The following CCDC120 variants were observed in gnomAD, a reference collection of about 807,000 sequenced individuals.
CCDC120 encodes the protein coiled-coil domain-containing protein 120.
A neutral mutation model predicts 37.6 loss-of-function variants in CCDC120; 16 were observed. The observed-to-expected ratio is 0.43, with a 90% CI of 0.29 to 0.65. The LOEUF is 0.65. CCDC120 is among the 30% of genes least tolerant of loss of function. The pLI, the probability that CCDC120 is intolerant of heterozygous loss-of-function variation, is 0.18. For missense variants in CCDC120, 650 were observed against 657.4 expected, an observed-to-expected ratio of 0.99 and a Z score of 0.12; for synonymous variants, 309 against 275.4, an observed-to-expected ratio of 1.12 and a Z score of -1.21.
At position 49,068,590 on chromosome X, in the gene CCDC120, A is replaced by T. The variant is rs1258765284; in HGVS notation, c.2023A>T (p.Ser675Cys). 8.6e-7 allele frequency: 1 copy of T among 1,158,111 alleles called. No homozygotes were observed. The highest frequency in any genetic ancestry group is 2.6e-5 in the Admixed American group (1 of 37,737). ...LYPPELSARL[S>C]DLTLEGEQSS... ...TCCCCCGGAGCTGAGCGCTCGTTTA[A>T]GTGACCTGACGCTAGAGGGGGAGCA... The change falls in exon 11 of 11, where the codon AGT (serine) becomes TGT (cysteine). Residue 675 changes from serine to cysteine, a missense_variant. Ser to Cys is a moderately radical substitution (Grantham distance 112). Transcript: ENST00000603986.
intron 7 of CCDC120, 144 bp from the exon 8 acceptor site, chrX:49,065,310 C>A: frequency 2.7e-6 from 2 of 728,699 alleles, no homozygotes; most frequent in Non-Finnish European, 4.0e-6. Context: ...AGCCCCAGAA[C>A]CTACTTGTCA....
In CCDC120 at chrX:49,068,633, C is replaced by A; in HGVS notation, c.2066C>A (p.Thr689Asn). 8.7e-7 allele frequency: 1 copy of A among 1,154,064 alleles called. No individual in the cohort carries two copies. Among genetic ancestry groups the A allele is most frequent in the Non-Finnish European group, 1.2e-6 (1 of 866,911 alleles). ...LEGEQSSSSD[T>N]QTPGTLV ...GGGGAGCAGTCCTCCAGTTCTGACA[C>A]CCAGACCCCGGGGACACTGGTCTGA... Residue 689 changes from threonine (T) to asparagine (N), a missense_variant, in exon 11 of 11, where the codon ACC (threonine) becomes AAC (asparagine). This residue lies in a region of CCDC120 where 576 missense variants were observed against 565.3 expected (regional missense o/e 1.02). Coordinates refer to ENST00000603986, the MANE Select transcript of CCDC120 (RefSeq NM_001163321.4).
chrX:49,064,080 G>T, intron 5 of CCDC120, 79 bp downstream of exon 5: 1 of 1,092,653 alleles, frequency 9.2e-7, no homozygotes, highest in East Asian at 3.2e-5. Flanking sequence ...AAGGTGTGGG[G>T]AGGGGGCTTG....
In CCDC120 at chrX:49,068,811, G is replaced by C. The variant is rs899949711; in HGVS notation, c.*153G>C. ...AGGCCCCTGGCTCCCCGTAGGCCCAGGAAGGTGTCTGACACCCTGCTTCTT... is the reference window on the plus strand; with the variant it reads ...AGGCCCCTGGCTCCCCGTAGGCCCACGAAGGTGTCTGACACCCTGCTTCTT... On this transcript the variant is annotated 3_prime_UTR_variant, in exon 11 of 11. Transcript: ENST00000603986. 2 of 491,906 alleles carry C rather than the reference G, an allele frequency of 4.1e-6. No homozygotes were observed. Among genetic ancestry groups the C allele is most frequent in the South Asian group, 2.0e-4 (2 of 10,183 alleles). 40.5% of individuals were successfully genotyped at this position (491,906 alleles called of 1,213,427 possible). A position where few individuals can be genotyped will look rare whatever the true frequency, so the allele number is the denominator to read the frequency against.
Position 49,068,096 on chromosome X carries a change from G to T in CCDC120, c.1976+6G>T. On this transcript the variant is annotated splice_donor_region_variant and intron_variant, in intron 10 of 10. Transcript: ENST00000603986. ...GCGCCCCCTGTCTCTGGCAGGTATG[G>T]GGGGTGCTTTTACTGATGGGTAGGG... 8.6e-7 allele frequency: 1 copy of T among 1,163,517 alleles called. No individual in the cohort carries two copies. The highest frequency in any genetic ancestry group is 1.1e-6 in the Non-Finnish European group (1 of 871,288).
At position 49,067,209 on chromosome X, in the gene CCDC120, C is replaced by T. The variant is rs1364086167; in HGVS notation, c.1095C>T (p.Gly365=). The T allele has an allele frequency of 1.7e-6, 2 of 1,209,419 alleles. No homozygotes were observed. Among genetic ancestry groups the T allele is most frequent in the East Asian group, 3.0e-5 (1 of 33,734 alleles). ...PEGLHSRQWS[G]SQDSQMGFPR... ...GCCTTCATTCTCGTCAGTGGTCCGG[C>T]AGCCAGGACTCCCAGATGGGCTTCC... Residue 365 remains glycine, a synonymous_variant, in exon 10 of 11, where the codon GGC becomes GGT. Coordinates refer to ENST00000603986, the MANE Select transcript of CCDC120 (RefSeq NM_001163321.4).
Position 49,064,511 on chromosome X carries a change from A to C in CCDC120, c.571A>C (p.Arg191=). 8.4e-7 allele frequency: 1 copy of C among 1,183,464 alleles called. No homozygotes were observed. The highest frequency in any genetic ancestry group is 1.1e-6 in the Non-Finnish European group (1 of 881,537). The change falls in exon 6 of 11, where the codon AGG becomes CGG. Residue 191 remains arginine (R), a synonymous_variant. Coordinates refer to ENST00000603986, the MANE Select transcript of CCDC120 (RefSeq NM_001163321.4). ...RRQVQADALR[R]LHELEEQLRD... ...CCAGGTCCAGGCAGATGCACTGAGG[A>C]GGCTGCATGAGCTAGAGGAGCAGCT...
chrX:49,060,427 C>CAAAAAAAAAAAAAAAAAAAAAAAAA lies in CCDC120; in HGVS notation c.-84+1336_-84+1360dup, dbSNP rs58827125. Among the ~76,000 whole-genome samples the CAAAAAAAAAAAAAAAAAAAAAAAAA allele has an allele frequency of 2.1e-4, 9 of 42,130 alleles. 1 individual carries two copies. The highest frequency in any genetic ancestry group is 4.1e-4 in the Admixed American group (1 of 2,463). The allele number at this position is 42,130 out of a possible 115,157, so 36.6% of individuals were successfully genotyped here. On this transcript the variant is annotated intron_variant, in intron 1 of 10. Coordinates refer to ENST00000603986, the MANE Select transcript of CCDC120 (RefSeq NM_001163321.4). ...AAGTGACAGAGCCAGGCCCTATCTC[C>CAAAAAAAAAAAAAAAAAAAAAAAAA]AAAAAAAAAAAAAAAAAAAAAAAAA...
At position 49,068,936 on chromosome X, in the gene CCDC120, G is replaced by A. The variant is rs2064991103; in HGVS notation, c.*278G>A. On this transcript the variant is annotated 3_prime_UTR_variant, in exon 11 of 11. Transcript: ENST00000603986. Reference sequence around the variant, plus strand: ...GCCCCTTCCTCCATTTATGTTTACAGTTGTGACTTAGGTATTCACTGTCTT... The same window carrying A: ...GCCCCTTCCTCCATTTATGTTTACAATTGTGACTTAGGTATTCACTGTCTT... 1 of 237,118 alleles carries A rather than the reference G, an allele frequency of 4.2e-6. No homozygotes were observed. The highest frequency in any genetic ancestry group is 7.5e-6 in the Non-Finnish European group (1 of 132,627). 19.5% of individuals were successfully genotyped at this position (237,118 alleles called of 1,213,427 possible).
In CCDC120 at chrX:49,068,607, G is replaced by T; in HGVS notation, c.2040G>T (p.Glu680Asp). 2.6e-6 allele frequency: 3 copies of T among 1,158,407 alleles called. No homozygotes were observed. Among genetic ancestry groups the T allele is most frequent in the Non-Finnish European group, 3.5e-6 (3 of 868,408 alleles). Residue 680 changes from glutamate to aspartate, a missense_variant, in exon 11 of 11, where the codon GAG becomes GAT. This residue lies in a region of CCDC120 where 576 missense variants were observed against 565.3 expected (regional missense o/e 1.02). Transcript: ENST00000603986. ...LSARLSDLTL[E>D]GEQSSSSDTQ... ...CTCGTTTAAGTGACCTGACGCTAGA[G>T]GGGGAGCAGTCCTCCAGTTCTGACA...
At position 49,062,116 on chromosome X, in the gene CCDC120, A is replaced by G. The variant is rs1557079582; in HGVS notation, c.63+12A>G. ...CGGATTCTGAAAGGGCAGGTCAAGC[A>G]GGCACGTGGGGCCCAGGTTACCCCT... is the stretch of plus-strand genomic sequence containing the variant. On this transcript the variant is annotated intron_variant, in intron 2 of 10. Coordinates refer to ENST00000603986, the MANE Select transcript of CCDC120 (RefSeq NM_001163321.4). 3 of 1,159,567 alleles carry G rather than the reference A, an allele frequency of 2.6e-6. No homozygotes were observed. Among genetic ancestry groups the G allele is most frequent in the African/African-American group, 3.5e-5 (2 of 56,386 alleles).
At position 49,065,435 on chromosome X, in the gene CCDC120, C is replaced by T. The variant is rs1228234865; in HGVS notation, c.788-19C>T. 8.6e-7 allele frequency: 1 copy of T among 1,168,615 alleles called. No homozygotes were observed. The highest frequency in any genetic ancestry group is 1.1e-6 in the Non-Finnish European group (1 of 876,725). ...GCCCCCCTCATTGAATTCTATCCCA[C>T]TTGCTCTCTTCCACTCAGAGGAGCC... On this transcript the variant is annotated intron_variant, in intron 7 of 10. Coordinates refer to ENST00000603986, the MANE Select transcript of CCDC120 (RefSeq NM_001163321.4).
rs782266274 is a variant in CCDC120, at chrX:49,065,623, C to A, written c.957C>A (p.Pro319=). ...GCCGGCGGAACTCTGTGGCCAGCCC[C>A]ACCAGGTGAGAATGAGCCCCTCCTC... is the stretch of plus-strand genomic sequence containing the variant. ...LKSRRNSVAS[P]TSPTRSLPRS... is the part of the protein sequence containing the mutation. The change falls in exon 8 of 11, where the codon CCC becomes CCA. Residue 319 remains proline (P), a synonymous_variant. Transcript: ENST00000603986. 2.5e-6 allele frequency: 3 copies of A among 1,209,205 alleles called. No individual in the cohort carries two copies. The East Asian group carries it at 8.9e-5, about 36-fold the overall frequency.
intron 10 of CCDC120, 154 bp from the exon 11 acceptor site, chrX:49,068,390 T>G (rs1295711300): frequency 1.5e-5 from 16 of 1,046,234 alleles, no homozygotes; most frequent in Middle Eastern, 5.4e-4. Context: ...TTCTTCCTTT[T>G]TTCTCCATGC....
intron 1 of CCDC120, among the ~76,000 whole-genome samples, chrX:49,060,770 C>T (rs1484479019): frequency 1.8e-5 from 2 of 111,983 alleles, no homozygotes; most frequent in Non-Finnish European, 3.8e-5. Flanking sequence ...GAGAGGGGTA[C>T]AGGCCCTATG....
chrX:49,057,259 TGTTA>T (rs1426822635), upstream of CCDC120, among the ~76,000 whole-genome samples: 3 of 112,288 alleles, frequency 2.7e-5, no homozygotes, highest in Admixed American at 9.4e-5. Flanking sequence ...TATTAATTGT[TGTTA>T]GTAAGAGTCA....
At chrX:49,061,820 T>C (rs1602516785) in intron 1 of CCDC120, 139 bp from the exon 2 acceptor site, 2 of 621,005 alleles carry the variant, frequency 3.2e-6, no homozygotes, top group Non-Finnish European at 4.8e-6. Context: ...ATCTCTAAAA[T>C]GGGGATACGA....
rs1208911695 is a variant in CCDC120 at position 49,064,529 on chromosome X, G to A, written c.589G>A (p.Glu197Lys). 1.2e-5 allele frequency: 14 copies of A among 1,180,537 alleles called. 1 individual carries two copies. Among genetic ancestry groups the A allele is most frequent in the Non-Finnish European group, 1.6e-5 (14 of 880,254 alleles). The change falls in exon 6 of 11, where the codon GAG becomes AAG. Residue 197 changes from glutamate (E) to lysine (K), a missense_variant. By Grantham distance (56) the Glu-to-Lys change is moderately conservative. This residue lies in a region of CCDC120 where 576 missense variants were observed against 565.3 expected (regional missense o/e 1.02). Coordinates refer to ENST00000603986, the MANE Select transcript of CCDC120 (RefSeq NM_001163321.4). ...DALRRLHELE[E>K]QLRDVRARLG... ...ACTGAGGAGGCTGCATGAGCTAGAG[G>A]AGCAGCTCAGGGATGTCCGGGCCCG...
intron 1 of CCDC120, among the ~76,000 whole-genome samples, chrX:49,059,952 G>A (rs1217719359): frequency 8.9e-6 from 1 of 111,778 alleles, no homozygotes; most frequent in Non-Finnish European, 1.9e-5. Context: ...GGGCAGGTGA[G>A]CGGAGGCAGA....
Sources: gnomAD v4.1 joint callset for allele counts (sites outside exome capture counted in the v4.1 genomes callset) on GRCh38, gnomAD v4.1.1 for gene constraint, gnomAD v4.1.1 regional missense constraint, MANE v1.5 for transcripts, NCBI Gene and HGNC (gene_info 2026-07-23, HGNC 2026-07-21) for gene names.